PON1: variants seen among roughly 807,000 people sequenced by gnomAD.
PON1 encodes the protein serum paraoxonase/arylesterase 1.
A neutral mutation model predicts 39.2 loss-of-function variants in PON1; 37 were observed. The observed-to-expected ratio is 0.94, with a 90% CI of 0.73 to 1.24. PON1 has a LOEUF of 1.24. Among genes scored for constraint, PON1 ranks in the 50% most tolerant of loss-of-function variants. PON1 has a pLI of 0.00. For missense variants in PON1, 397 were observed against 413.5 expected, an observed-to-expected ratio of 0.96 and a Z score of 0.35; for synonymous variants, 148 against 152.2, an observed-to-expected ratio of 0.97 and a Z score of 0.21.
intron 5 of PON1, among the ~76,000 whole-genome samples, chr7:95,309,704 G>C (rs1807615140): frequency 6.6e-6 from 1 of 152,066 alleles, no homozygotes; most frequent in South Asian, 2.1e-4. Context: ...TACCTTGAAA[G>C]GCTAGAGTAA....
intron 1 of PON1, among the ~76,000 whole-genome samples, chr7:95,319,838 C>CACACAT (rs1807856794): frequency 1.3e-5 from 2 of 152,216 alleles, no homozygotes; most frequent in Admixed American, 1.3e-4. Flanking sequence ...AGCACATGCA[C>CACACAT]ACACATACAC....
intron 2 of PON1, among the ~76,000 whole-genome samples, chr7:95,317,900 A>T (rs1807806153): frequency 6.6e-6 from 1 of 152,098 alleles, no homozygotes; most frequent in African/African-American, 2.4e-5. Context: ...TTTCCTGTCC[A>T]ATATCAAAAG....
Position 95,306,328 on chromosome 7 carries a change from T to C in PON1, c.737A>G (p.His246Arg), listed in dbSNP as rs548299742. ...YIAELLAHKI[H>R]VYEKHANWTL... is the part of the protein sequence containing the mutation. ...CCAATTAGCATGCTTTTCATACACA[T>C]GAATCTTATGAGCCAGCAACTCAGC... The change falls in exon 7 of 9, where the codon CAT (histidine) becomes CGT (arginine). Residue 246 changes from histidine (H) to arginine (R), a missense_variant. His to Arg is a conservative substitution (Grantham distance 29). Coordinates refer to ENST00000222381, the MANE Select transcript of PON1 (RefSeq NM_000446.7). The C allele has an allele frequency of 3.1e-6, 5 of 1,613,016 alleles. No homozygotes were observed. The Admixed American group carries it at 6.7e-5, about 22-fold the overall frequency.
At chr7:95,320,526 G>A (rs1807873418) in intron 1 of PON1, among the ~76,000 whole-genome samples, 1 of 152,196 alleles carries the variant, frequency 6.6e-6, no homozygotes. Context: ...ACCTCCGTGA[G>A]GTGTTATTTT....
chr7:95,313,811 T>C (rs3917509), intron 4 of PON1, among the ~76,000 whole-genome samples: 55 of 152,014 alleles, frequency 3.6e-4, no homozygotes, highest in African/African-American at 1.2e-3. Context: ...AGAAGAATAA[T>C]AATACCCCTA....
chr7:95,321,445 C>G (rs893846784), intron 1 of PON1, among the ~76,000 whole-genome samples: 4 of 152,240 alleles, frequency 2.6e-5, no homozygotes, highest in African/African-American at 9.6e-5. Context: ...CTATTTTCTG[C>G]TACTACACAC....
chr7:95,316,118 T>C (rs1002489979), intron 3 of PON1, among the ~76,000 whole-genome samples: 2 of 152,184 alleles, frequency 1.3e-5, no homozygotes, highest in African/African-American at 4.8e-5. Flanking sequence ...CAAAGGTTTT[T>C]AAATGGCTGG....
At position 95,308,149 on chromosome 7, in the gene PON1, A is replaced by G; in HGVS notation, c.560T>C (p.Leu187Pro). The change falls in exon 6 of 9, where the codon CTT becomes CCT. Residue 187 changes from leucine to proline, a missense_variant. Coordinates refer to ENST00000222381, the MANE Select transcript of PON1 (RefSeq NM_000446.7). ...CTCCCAGGATTGTAAGTAGGGGTCA[A>G]GAAAATAGTGATCATTTGTGCCATA... Reference protein sequence around the residue: ...HFYGTNDHYFLDPYLQSWEMY... With the variant: ...HFYGTNDHYFPDPYLQSWEMY... 6.2e-7 allele frequency: 1 copy of G among 1,614,204 alleles called. No homozygotes were observed. Among genetic ancestry groups the G allele is most frequent in the East Asian group, 2.2e-5 (1 of 44,882 alleles).
intron 4 of PON1, among the ~76,000 whole-genome samples, chr7:95,313,263 A>G (rs953428482): frequency 6.6e-6 from 1 of 152,226 alleles, no homozygotes; most frequent in African/African-American, 2.4e-5. Context: ...GTCTCAGAAA[A>G]TACATGTGCG....
In PON1 at chr7:95,297,863, A is replaced by T. The variant is rs1348384094; in HGVS notation, c.*1081T>A. On this transcript the variant is annotated 3_prime_UTR_variant, in exon 9 of 9. Coordinates refer to ENST00000222381, the MANE Select transcript of PON1 (RefSeq NM_000446.7). ...CCTTAACACCCTGAAGAAGTAATTC[A>T]TCATGAAGGTTATACCTTCAAATCA... 1 of 152,212 alleles carries T rather than the reference A, an allele frequency of 6.6e-6. No homozygotes were observed. Among genetic ancestry groups the T allele is most frequent in the African/African-American group, 2.4e-5 (1 of 41,466 alleles). The allele number at this position is 152,212 out of a possible 1,614,324, so 9.4% of individuals were successfully genotyped here.
rs1439888217 is a variant in PON1, at chr7:95,302,212, G to A, written c.902C>T (p.Ala301Val). 1.2e-6 allele frequency: 2 copies of A among 1,608,888 alleles called. No homozygotes were observed. Among genetic ancestry groups the A allele is most frequent in the African/African-American group, 2.7e-5 (2 of 74,522 alleles). ...IFFYDSENPPASEVLRIQNIL... is the reference protein window; with the variant it reads ...IFFYDSENPPVSEVLRIQNIL... ...TTCATTTTTAAAACTTACCTCTGATGCAGGAGGATTCTCTGAGTCATAGAA... is the reference window on the plus strand; with the variant it reads ...TTCATTTTTAAAACTTACCTCTGATACAGGAGGATTCTCTGAGTCATAGAA... The change falls in exon 8 of 9, where the codon GCA (alanine) becomes GTA (valine). Residue 301 changes from alanine to valine, a missense_variant. Coordinates refer to ENST00000222381, the MANE Select transcript of PON1 (RefSeq NM_000446.7).
At chr7:95,304,497 T>C (rs1039269729) in intron 7 of PON1, among the ~76,000 whole-genome samples, 2 of 152,124 alleles carry the variant, frequency 1.3e-5, no homozygotes, top group Non-Finnish European at 2.9e-5. Flanking sequence ...CATGTCTGGC[T>C]AATTTTTTGT....
At chr7:95,310,916 A>G (rs1212803096) in intron 5 of PON1, among the ~76,000 whole-genome samples, 1 of 152,120 alleles carries the variant, frequency 6.6e-6, no homozygotes, top group East Asian at 1.9e-4. Flanking sequence ...ATTTCACCAT[A>G]TGTTACATGA....
intron 1 of PON1, among the ~76,000 whole-genome samples, chr7:95,322,350 G>A (rs11771594): frequency 0.11 from 14,564 of 134,538 alleles, 824 homozygotes; most frequent in East Asian, 0.22. Context: ...GTGTGTGTGT[G>A]TATATATATA....
At chr7:95,302,096 C>CAAA (rs770841829) in intron 8 of PON1, 109 bp downstream of exon 8, 3,332 of 315,756 alleles carry the variant, frequency 0.011, 39 homozygotes, top group African/African-American at 0.013. Context: ...TACTCTGTCA[C>CAAA]AAAAAAAAAA....
intron 3 of PON1, among the ~76,000 whole-genome samples, chr7:95,316,525 A>G (rs976644479): frequency 5.3e-5 from 8 of 152,258 alleles, no homozygotes; most frequent in Non-Finnish European, 1.0e-4. Context: ...ATATGGTTCA[A>G]TGTAGACCGA....
In PON1 at chr7:95,299,075, C is replaced by CTGT. The variant is rs745828872; in HGVS notation, c.934_936dup (p.Thr312dup). On this transcript the variant is annotated inframe_insertion, in exon 9 of 9. Coordinates refer to ENST00000222381, the MANE Select transcript of PON1 (RefSeq NM_000446.7). ...TAAACCTGTGTCACTTTAGGTTCTT[C>CTGT]TGTTAGAATGTTCTGGATTCGAAGC... The CTGT allele has an allele frequency of 1.2e-6, 2 of 1,613,976 alleles. No homozygotes were observed. The highest frequency in any genetic ancestry group is 1.7e-6 in the Non-Finnish European group (2 of 1,179,984).
chr7:95,312,758 G>A (rs1585697509), intron 4 of PON1, among the ~76,000 whole-genome samples: 1 of 151,830 alleles, frequency 6.6e-6, no homozygotes, highest in East Asian at 1.9e-4. Context: ...TGCTGGGAGT[G>A]TGCAAAGGCC....
At chr7:95,310,816 G>A (rs3917530) in intron 5 of PON1, among the ~76,000 whole-genome samples, 1 of 152,198 alleles carries the variant, frequency 6.6e-6, no homozygotes, top group Non-Finnish European at 1.5e-5. Context: ...GAGTCGGATT[G>A]TTCTCCTAAA....
Sources: gnomAD v4.1 joint callset for allele counts (sites outside exome capture counted in the v4.1 genomes callset) on GRCh38, gnomAD v4.1.1 for gene constraint, MANE v1.5 for transcripts, NCBI Gene and HGNC (gene_info 2026-07-23, HGNC 2026-07-21) for gene names.